Variants in NECTIN1 observed in about 807,000 individuals in gnomAD.
NECTIN1 encodes nectin-1.
Under a neutral mutation model 48.0 loss-of-function variants are expected in NECTIN1, and 23 were observed. That is an observed-to-expected ratio of 0.48 (90% CI 0.34 to 0.68). The LOEUF (loss-of-function observed/expected upper bound fraction) is 0.68, where lower values mean the gene tolerates loss of function less well. NECTIN1 is among the 30% of genes least tolerant of loss of function. NECTIN1 has a pLI of 0.01. For missense variants in NECTIN1, 591 were observed against 709.9 expected, an observed-to-expected ratio of 0.83 and a Z score of 1.90; for synonymous variants, 270 against 288.9, an observed-to-expected ratio of 0.93 and a Z score of 0.66.
At chr11:119,675,757 C>T in intron 4 of NECTIN1, 1 of 193,206 alleles carries the variant, frequency 5.2e-6, no homozygotes, top group Admixed American at 5.3e-5. Flanking sequence ...CCTGTAATCC[C>T]AGCACTTTGG....
intron 1 of NECTIN1, among the ~76,000 whole-genome samples, chr11:119,679,857 C>A (rs187310081): frequency 6.6e-6 from 1 of 152,290 alleles, no homozygotes; most frequent in African/African-American, 2.4e-5. Flanking sequence ...CCCCCTGAGG[C>A]CACCTCCTCC....
chr11:119,707,335 G>A (rs921974319), intron 1 of NECTIN1, among the ~76,000 whole-genome samples: 29 of 152,074 alleles, frequency 1.9e-4, no homozygotes, highest in African/African-American at 6.0e-4. Context: ...TTGCACAAGC[G>A]GTTCTGTCTG....
At chr11:119,718,170 C>A (rs1435845971) in intron 1 of NECTIN1, among the ~76,000 whole-genome samples, 1 of 152,166 alleles carries the variant, frequency 6.6e-6, no homozygotes, top group African/African-American at 2.4e-5. Flanking sequence ...CCCTGGGTGA[C>A]CCTCGAGAGG....
chr11:119,705,402 A>T (rs1463557926), intron 1 of NECTIN1, among the ~76,000 whole-genome samples: 1 of 152,236 alleles, frequency 6.6e-6, no homozygotes, highest in Non-Finnish European at 1.5e-5. Flanking sequence ...TGTGTGTAGG[A>T]TTAATTAATT....
Position 119,679,639 on chromosome 11 carries a change from G to GT in NECTIN1, c.80-875dup, listed in dbSNP as rs541840367. Among the ~76,000 whole-genome samples, 17 of 151,644 alleles carry GT rather than the reference G, an allele frequency of 1.1e-4. No homozygotes were observed. In the South Asian group the frequency reaches 3.5e-3, roughly 32 times the overall value. ...ATCCTCAGAACATGCCACATTCCCG[G>GT]TTTCCTTCCCTCTTCCTCCCATTTA... On this transcript the variant is annotated intron_variant, in intron 1 of 5. Coordinates refer to ENST00000264025, the MANE Select transcript of NECTIN1 (RefSeq NM_002855.5).
At chr11:119,724,282 T>TG (rs1282229929) in intron 1 of NECTIN1, among the ~76,000 whole-genome samples, 1 of 152,110 alleles carries the variant, frequency 6.6e-6, no homozygotes, top group Non-Finnish European at 1.5e-5. Flanking sequence ...TGAGAACTCG[T>TG]GGGGCAGGCC....
chr11:119,718,236 G>C (rs1865776497), intron 1 of NECTIN1, among the ~76,000 whole-genome samples: 1 of 152,118 alleles, frequency 6.6e-6, no homozygotes, highest in African/African-American at 2.4e-5. Context: ...CACAACCCTG[G>C]GGAAGGGCTT....
In NECTIN1 at chr11:119,677,175, G is replaced by A; in HGVS notation, c.778C>T (p.Leu260=). The A allele has an allele frequency of 6.2e-7, 1 of 1,614,142 alleles. No homozygotes were observed. The highest frequency in any genetic ancestry group is 8.5e-7 in the Non-Finnish European group (1 of 1,180,034). The change falls in exon 4 of 6, where the codon CTG becomes TTG. Residue 260 remains leucine (L), a synonymous_variant. Coordinates refer to ENST00000264025, the MANE Select transcript of NECTIN1 (RefSeq NM_002855.5). This position sits in a 1 kb window ranked among gnomAD's most constrained non-coding sequence, Gnocchi z 5.4. The part of the protein sequence containing the change: ...TIEGFDGNWY[L]QRMDVKLTCK... ...GTGAGCTTCACGTCCATCCGCTGCA[G>A]GTACCAGTTGCCATCAAACCCCTCA...
At chr11:119,650,644 C>A (rs1465068667) in intron 5 of NECTIN1, among the ~76,000 whole-genome samples, 1 of 152,188 alleles carries the variant, frequency 6.6e-6, no homozygotes, top group Non-Finnish European at 1.5e-5. Context: ...GGTAGGGTTG[C>A]AGAGTGGTTA....
intron 1 of NECTIN1, among the ~76,000 whole-genome samples, chr11:119,723,089 C>T (rs1478970835): frequency 6.6e-6 from 1 of 151,890 alleles, no homozygotes; most frequent in Non-Finnish European, 1.5e-5. Flanking sequence ...TGTGGTGGCA[C>T]CTGCCTGTAG....
intron 5 of NECTIN1, among the ~76,000 whole-genome samples, chr11:119,648,343 ATGCTGG>A (rs1864438495): frequency 1.6e-3 from 2 of 1,280 alleles, no homozygotes; most frequent in Non-Finnish European, 1.7e-3. Flanking sequence ...GGTGGTGGTG[ATGCTGG>A]TGGTGGTGAT....
chr11:119,701,958 C>T (rs966437744), intron 1 of NECTIN1, among the ~76,000 whole-genome samples: 7 of 152,314 alleles, frequency 4.6e-5, no homozygotes, highest in South Asian at 2.1e-4. Context: ...CTATGCCCGC[C>T]GGCTCCAGGG....
intron 1 of NECTIN1, among the ~76,000 whole-genome samples, chr11:119,679,539 C>G (rs1865023705): frequency 1.3e-5 from 2 of 152,210 alleles, no homozygotes; most frequent in African/African-American, 4.8e-5. Flanking sequence ...CTTCTCTTGG[C>G]AAGACCTCCT....
Position 119,727,688 on chromosome 11 carries a change from G to C in NECTIN1, c.79+787C>G. On this transcript the variant is annotated intron_variant, in intron 1 of 5. Coordinates refer to ENST00000264025, the MANE Select transcript of NECTIN1 (RefSeq NM_002855.5). The surrounding 1 kb of genome is among the most constrained non-coding windows in gnomAD (Gnocchi z 4.1). ...AGGGCCACCCCGGGGTCGGGCGCGA[G>C]GTTAACCCCTCGGCTGCCGGCAGCC... 6.6e-6 allele frequency among the ~76,000 whole-genome samples: 1 copy of C among 152,196 alleles called. No individual in the cohort carries two copies. Among genetic ancestry groups the C allele is most frequent in the East Asian group, 1.9e-4 (1 of 5,188 alleles).
At chr11:119,693,472 G>A (rs1865295485) in intron 1 of NECTIN1, among the ~76,000 whole-genome samples, 1 of 152,246 alleles carries the variant, frequency 6.6e-6, no homozygotes. Context: ...GGCCAAGAGA[G>A]GAGAGTGACT....
downstream of NECTIN1, among the ~76,000 whole-genome samples, chr11:119,658,211 G>GTGTGTATGTGC (rs1864607369): frequency 6.6e-6 from 1 of 152,194 alleles, no homozygotes; most frequent in African/African-American, 2.4e-5. Flanking sequence ...AGCTCCTGGA[G>GTGTGTATGTGC]TGTGTATGTG....
intron 1 of NECTIN1, among the ~76,000 whole-genome samples, chr11:119,700,793 C>T (rs1158602780): frequency 1.3e-5 from 2 of 152,208 alleles, no homozygotes; most frequent in African/African-American, 4.8e-5. Context: ...GAGTTGGTGA[C>T]TCTCTGAAAC....
intron 5 of NECTIN1, among the ~76,000 whole-genome samples, chr11:119,651,122 G>T (rs1229579006): frequency 6.6e-6 from 1 of 152,170 alleles, no homozygotes; most frequent in Non-Finnish European, 1.5e-5. Context: ...ACACCCATGA[G>T]CCCAGGCTTT....
intron 1 of NECTIN1, among the ~76,000 whole-genome samples, chr11:119,712,635 C>T (rs924819973): frequency 6.6e-6 from 1 of 152,144 alleles, no homozygotes; most frequent in Non-Finnish European, 1.5e-5. Context: ...CCCTCCCTTT[C>T]CCCAGCCACC....
Sources: gnomAD v4.1 joint callset for allele counts (sites outside exome capture counted in the v4.1 genomes callset) on GRCh38, gnomAD v4.1.1 for gene constraint, Gnocchi (gnomAD v3.1) non-coding constraint, MANE v1.5 for transcripts, NCBI Gene and HGNC (gene_info 2026-07-23, HGNC 2026-07-21) for gene names.